Variants in BCL11A observed in about 807,000 individuals in gnomAD.
BCL11A encodes the protein B cell CLL/lymphoma 11A.
A neutral mutation model predicts 55.9 loss-of-function variants in BCL11A; 2 were observed. The ratio of observed to expected loss-of-function variants is 0.04; its 90% CI spans 0.01 to 0.11. BCL11A has a LOEUF of 0.11. BCL11A is among the 10% of genes least tolerant of loss of function. The pLI is 1.00. For synonymous variants in BCL11A, 465 were observed against 473.4 expected (o/e 0.98, Z 0.23); for missense variants, 817 against 1,137.1 (o/e 0.72, Z 4.05).
chr2:60,455,337 A>G (rs1048457080), downstream of BCL11A, among the ~76,000 whole-genome samples: 3 of 152,186 alleles, frequency 2.0e-5, no homozygotes, highest in African/African-American at 4.8e-5. Context: ...GGAAATGTGC[A>G]TGTTATTTTA....
intron 2 of BCL11A, among the ~76,000 whole-genome samples, chr2:60,474,495 A>G (rs553741692): frequency 2.0e-5 from 3 of 152,252 alleles, no homozygotes; most frequent in Non-Finnish European, 4.4e-5. Flanking sequence ...GTTCACTCCA[A>G]TAATATTCTT....
downstream of BCL11A, among the ~76,000 whole-genome samples, chr2:60,456,753 T>G (rs1343028881): frequency 6.6e-6 from 1 of 152,188 alleles, no homozygotes; most frequent in Non-Finnish European, 1.5e-5. Flanking sequence ...AAGAGCTGAT[T>G]TTTTTTAAAA....
chr2:60,517,785 C>T (rs1347911930), intron 2 of BCL11A, among the ~76,000 whole-genome samples: 3 of 152,194 alleles, frequency 2.0e-5, no homozygotes. Flanking sequence ...TGTAAAATGA[C>T]AGGGTTAATG....
downstream of BCL11A, chr2:60,452,880 C>T (rs1339953569): frequency 2.2e-5 from 11 of 492,990 alleles, no homozygotes; most frequent in South Asian, 6.6e-5. Flanking sequence ...CCCTCCCTTC[C>T]GTCCCCCCAA....
chr2:60,498,549 C>T (rs1042616572), intron 2 of BCL11A, among the ~76,000 whole-genome samples: 1 of 152,210 alleles, frequency 6.6e-6, no homozygotes, highest in Admixed American at 6.5e-5. Flanking sequence ...CTAGAATTGG[C>T]CTGGGACATT....
At chr2:60,466,843 T>G (rs1411829298) in intron 3 of BCL11A, among the ~76,000 whole-genome samples, 1 of 152,198 alleles carries the variant, frequency 6.6e-6, no homozygotes, top group African/African-American at 2.4e-5. Context: ...GATGTCACAC[T>G]TCTTTTCTTC....
rs1670507434 is a variant in BCL11A, at chr2:60,553,481, GCAAAAA to G, written c.-217_-212del. 3 of 6,678 alleles carry G rather than the reference GCAAAAA, an allele frequency of 4.5e-4. No homozygotes were observed. Among genetic ancestry groups the G allele is most frequent in the Non-Finnish European group, 4.8e-4 (2 of 4,162 alleles). 0.4% of individuals were successfully genotyped at this position (6,678 alleles called of 1,614,324 possible). On this transcript the variant is annotated 5_prime_UTR_variant, in exon 1 of 4. Coordinates refer to ENST00000642384, the MANE Select transcript of BCL11A (RefSeq NM_022893.4). The stretch of plus-strand genomic sequence containing the variant: ...GAGAGCCGTCATGGCTTTTTTTTAA[GCAAAAA>G]AAAAAAAAAAAAAAAAAAAAAAAAG...
At chr2:60,465,561 G>A (rs1413113678) in intron 3 of BCL11A, among the ~76,000 whole-genome samples, 1 of 152,154 alleles carries the variant, frequency 6.6e-6, no homozygotes, top group African/African-American at 2.4e-5. Flanking sequence ...TCACCAATGT[G>A]AAAAAGTCAT....
intron 2 of BCL11A, among the ~76,000 whole-genome samples, chr2:60,528,946 T>C (rs1173593586): frequency 6.6e-6 from 1 of 152,186 alleles, no homozygotes; most frequent in Non-Finnish European, 1.5e-5. Context: ...GGTGAAATGA[T>C]TCCCTCAGAC....
At position 60,459,510 on chromosome 2, in the gene BCL11A, TTAAC is replaced by T; in HGVS notation, c.*890_*893del. 1 of 1,022,708 alleles carries T rather than the reference TTAAC, an allele frequency of 9.8e-7. No individual in the cohort carries two copies. The highest frequency in any genetic ancestry group is 1.2e-6 in the Non-Finnish European group (1 of 851,734). The allele number at this position is 1,022,708 out of a possible 1,614,324, so 63.4% of individuals were successfully genotyped here. On this transcript the variant is annotated 3_prime_UTR_variant, in exon 4 of 4. Transcript: ENST00000642384. ...AATTAAACTAAAGGAAAAATGATGA[TTAAC>T]TAGGACATAATGGGTCATCTTTTTA...
intron 2 of BCL11A, among the ~76,000 whole-genome samples, chr2:60,501,510 T>C (rs1411055062): frequency 3.3e-5 from 5 of 149,656 alleles, no homozygotes; most frequent in African/African-American, 7.4e-5. Context: ...GCTTTCTTTT[T>C]TTTTTTTTTT....
intron 1 of BCL11A, chr2:60,550,973 G>T (rs1284064483): frequency 1.0e-5 from 4 of 396,558 alleles, no homozygotes; most frequent in South Asian, 2.6e-4. Flanking sequence ...GGATGCGAGG[G>T]GGTGGGGAGA....
At chr2:60,500,366 G>A (rs1048616315) in intron 2 of BCL11A, among the ~76,000 whole-genome samples, 48 of 152,166 alleles carry the variant, frequency 3.2e-4, no homozygotes, top group Admixed American at 2.6e-3. Context: ...CTGCTTCCCC[G>A]CCACCATTAA....
At chr2:60,549,815 G>T (rs2104776334) in intron 1 of BCL11A, 1 of 152,392 alleles carries the variant, frequency 6.6e-6, no homozygotes, top group East Asian at 1.9e-4. Flanking sequence ...CTCAAGCGCG[G>T]GTCCTGAGAT....
rs11886868 is a variant in BCL11A, at chr2:60,493,111, C to T, written c.386-24278G>A. Among the ~76,000 whole-genome samples, 96,415 of 152,036 alleles carry T rather than the reference C, an allele frequency of 0.63. 32,265 individuals carry two copies. Among genetic ancestry groups the T allele is most frequent in the African/African-American group, 0.71 (29,501 of 41,462 alleles). ...TATCGTCTTTTGTGTTTAATTTCTT[C>T]CACAGAGCAGAATGATTCTGGGATT... On this transcript the variant is annotated intron_variant, in intron 2 of 3. Coordinates refer to ENST00000642384, the MANE Select transcript of BCL11A (RefSeq NM_022893.4).
At chr2:60,548,294 CA>C (rs201461046) in intron 1 of BCL11A, among the ~76,000 whole-genome samples, 49 of 133,866 alleles carry the variant, frequency 3.7e-4, no homozygotes, top group East Asian at 1.3e-3. Flanking sequence ...AGAACCTTTG[CA>C]AAAAAAAAAA....
intron 2 of BCL11A, chr2:60,537,164 ATTT>A (rs1242140666): frequency 7.9e-6 from 1 of 126,010 alleles, no homozygotes; most frequent in Admixed American, 8.6e-5. Flanking sequence ...TTCCTTATTG[ATTT>A]TTTTCTCCTT....
At chr2:60,540,992 G>GTGTGTGTGTGTGTGT (rs1371737091) in intron 2 of BCL11A, among the ~76,000 whole-genome samples, 1 of 135,870 alleles carries the variant, frequency 7.4e-6, no homozygotes, top group African/African-American at 2.8e-5. Flanking sequence ...GTGTGTGTGT[G>GTGTGTGTGTGTGTGT]GTTATTTTGT....
intron 2 of BCL11A, among the ~76,000 whole-genome samples, chr2:60,497,649 C>A (rs1280174648): frequency 3.3e-5 from 5 of 151,708 alleles, no homozygotes; most frequent in Non-Finnish European, 7.4e-5. Context: ...TAATAGCTTC[C>A]ACTGGATGGC....
Sources: gnomAD v4.1 joint callset for allele counts (sites outside exome capture counted in the v4.1 genomes callset) on GRCh38, gnomAD v4.1.1 for gene constraint, MANE v1.5 for transcripts, NCBI Gene and HGNC (gene_info 2026-07-23, HGNC 2026-07-21) for gene names.